Variants in MGAT4C observed in about 807,000 individuals in gnomAD.
MGAT4C encodes alpha-1,3-mannosyl-glycoprotein 4-beta-N-acetylglucosaminyltransferase C.
Under a neutral mutation model 40.1 loss-of-function variants are expected in MGAT4C, and 19 were observed. That is an observed-to-expected ratio of 0.47 (90% CI 0.33 to 0.70). The LOEUF is 0.70. MGAT4C is among the 30% of genes least tolerant of loss of function. The pLI is 0.02. For missense variants in MGAT4C, 491 were observed against 563.2 expected (o/e 0.87, Z 1.30); for synonymous variants, 181 against 187.1 (o/e 0.97, Z 0.27).
intron 2 of MGAT4C, among the ~76,000 whole-genome samples, chr12:86,588,062 T>TC (rs1961144493): frequency 6.6e-6 from 1 of 151,940 alleles, no homozygotes; most frequent in African/African-American, 2.4e-5. Context: ...TTGTGCCCAT[T>TC]CAGTATGATA....
In MGAT4C at chr12:85,974,655, C is replaced by G. The variant is rs1435737336; in HGVS notation, c.*4634G>C. ...CAAAAAGTAATAAAAGATATATCCT[C>G]TGTTTGGGATAAATAAAAAAAAAGT... is the stretch of plus-strand genomic sequence containing the variant. On this transcript the variant is annotated 3_prime_UTR_variant, in exon 5 of 5. Coordinates refer to ENST00000611864, the MANE Select transcript of MGAT4C (RefSeq NM_001351288.2). 1 of 150,402 alleles carries G rather than the reference C, an allele frequency of 6.6e-6. No individual in the cohort carries two copies. Among genetic ancestry groups the G allele is most frequent in the Non-Finnish European group, 1.5e-5 (1 of 66,932 alleles). The allele number at this position is 150,402 out of a possible 1,614,324, so 9.3% of individuals were successfully genotyped here.
intron 4 of MGAT4C, among the ~76,000 whole-genome samples, chr12:86,333,484 C>A (rs1330967721): frequency 6.6e-6 from 1 of 152,110 alleles, no homozygotes. Flanking sequence ...GGTTCAAGAA[C>A]AAAACAGCAG....
At chr12:86,546,618 T>C (rs1400563889) in intron 2 of MGAT4C, among the ~76,000 whole-genome samples, 1 of 152,116 alleles carries the variant, frequency 6.6e-6, no homozygotes, top group Non-Finnish European at 1.5e-5. Flanking sequence ...AAAATGCTTT[T>C]GGTGGAATAG....
At chr12:86,053,306 A>G (rs950507982) in intron 1 of MGAT4C, among the ~76,000 whole-genome samples, 3 of 151,618 alleles carry the variant, frequency 2.0e-5, no homozygotes, top group Non-Finnish European at 4.4e-5. Context: ...ATTTTTGGAC[A>G]CTTCTAACTT....
chr12:86,829,580 A>T (rs1952877959), intron 1 of MGAT4C, among the ~76,000 whole-genome samples: 1 of 151,482 alleles, frequency 6.6e-6, no homozygotes, highest in Non-Finnish European at 1.5e-5. Context: ...TCTTATTTCA[A>T]ACAAAAAAAA....
intron 2 of MGAT4C, among the ~76,000 whole-genome samples, chr12:86,704,972 C>A (rs573962852): frequency 6.6e-6 from 1 of 152,114 alleles, no homozygotes; most frequent in African/African-American, 2.4e-5. Flanking sequence ...ATAAAGAATT[C>A]ATCTTTGTAG....
intron 2 of MGAT4C, among the ~76,000 whole-genome samples, chr12:86,534,051 G>C (rs1292841513): frequency 6.6e-6 from 1 of 151,942 alleles, no homozygotes; most frequent in African/African-American, 2.4e-5. Flanking sequence ...TATTGAAATG[G>C]CCTCACAAAG....
chr12:86,809,549 T>C (rs937028946), intron 1 of MGAT4C, among the ~76,000 whole-genome samples: 4 of 149,000 alleles, frequency 2.7e-5, no homozygotes, highest in East Asian at 1.9e-4. Context: ...GCATTTGGTA[T>C]CCTATTTTTT....
chr12:86,027,799 C>T (rs1890370223), intron 2 of MGAT4C, among the ~76,000 whole-genome samples: 1 of 151,840 alleles, frequency 6.6e-6, no homozygotes, highest in Non-Finnish European at 1.5e-5. Context: ...TATAATGTTC[C>T]AGAGATCTAA....
chr12:86,107,936 A>C (rs1411988015), intron 1 of MGAT4C, among the ~76,000 whole-genome samples: 1 of 152,118 alleles, frequency 6.6e-6, no homozygotes, highest in Admixed American at 6.6e-5. Context: ...ATATTAAATA[A>C]ATTTATTATA....
At chr12:86,385,337 C>A (rs529069701) in intron 3 of MGAT4C, among the ~76,000 whole-genome samples, 2 of 152,148 alleles carry the variant, frequency 1.3e-5, no homozygotes, top group Admixed American at 6.5e-5. Flanking sequence ...AAATCCTATT[C>A]CTCTTAGCTC....
rs142746339 is a variant in MGAT4C at position 86,529,120 on chromosome 12, T to C, written c.-228-93855A>G. On this transcript the variant is annotated intron_variant, in intron 2 of 7. Transcript: ENST00000548651. ...TTTCCTTTTCCTTTCTTTGGTATTC[T>C]AGCCTTGGTCATGATCCAAAGGGGC... Among the ~76,000 whole-genome samples the C allele has an allele frequency of 3.4e-3, 510 of 152,232 alleles. 1 individual carries two copies. The highest frequency in any genetic ancestry group is 0.012 in the African/African-American group (493 of 41,562).
intron 1 of MGAT4C, among the ~76,000 whole-genome samples, chr12:86,799,022 G>A (rs534370051): frequency 5.1e-4 from 78 of 151,898 alleles, no homozygotes; most frequent in African/African-American, 1.7e-3. Context: ...CTGGCCACCA[G>A]TTAAAAGAAC....
intron 2 of MGAT4C, among the ~76,000 whole-genome samples, chr12:86,713,789 G>A (rs958554064): frequency 1.3e-5 from 2 of 152,048 alleles, no homozygotes; most frequent in Non-Finnish European, 2.9e-5. Flanking sequence ...CTTTTCCAAA[G>A]TCCCATAGCT....
chr12:86,673,180 C>T (rs992790342), intron 2 of MGAT4C, among the ~76,000 whole-genome samples: 46 of 152,114 alleles, frequency 3.0e-4, no homozygotes, highest in African/African-American at 9.4e-4. Context: ...TATAGAAAAA[C>T]GCTGTCTGGA....
chr12:85,983,130 C>A (rs1045383300), intron 4 of MGAT4C, among the ~76,000 whole-genome samples: 3 of 143,330 alleles, frequency 2.1e-5, no homozygotes, highest in African/African-American at 7.4e-5. Flanking sequence ...AACTAAAACA[C>A]TGAGTTTCAT....
At chr12:86,217,221 C>T (rs1048891321) in intron 1 of MGAT4C, among the ~76,000 whole-genome samples, 3 of 152,166 alleles carry the variant, frequency 2.0e-5, no homozygotes, top group African/African-American at 7.2e-5. Context: ...GTCACCTAGA[C>T]TGGAGTGCAG....
rs1255861672 is a variant in MGAT4C at position 86,214,626 on chromosome 12, A to G, written c.-57+41613T>C. Among the ~76,000 whole-genome samples the G allele has an allele frequency of 3.3e-5, 5 of 152,250 alleles. No homozygotes were observed. The East Asian group carries it at 5.8e-4, about 18-fold the overall frequency. ...TCTTGCTGTGTCCTCACATGGTAGA[A>G]AGAGAGATCCTTTCTATTCTGCCTC... On this transcript the variant is annotated intron_variant, in intron 1 of 4. Coordinates refer to ENST00000611864, the MANE Select transcript of MGAT4C (RefSeq NM_001351288.2).
intron 2 of MGAT4C, among the ~76,000 whole-genome samples, chr12:86,627,137 T>A (rs954714300): frequency 6.9e-6 from 1 of 143,930 alleles, no homozygotes; most frequent in Non-Finnish European, 1.5e-5. Flanking sequence ...CAGTCCAAGA[T>A]CGAACTGCCA....
Sources: allele counts gnomAD v4.1 joint callset (sites outside exome capture counted in the v4.1 genomes callset), GRCh38; gene constraint gnomAD v4.1.1; transcripts MANE v1.5; gene names NCBI Gene and HGNC (gene_info 2026-07-23, HGNC 2026-07-21).